Variants in NALCN observed in about 807,000 individuals in gnomAD.
The protein encoded by NALCN is sodium leak channel, non-selective.
A neutral mutation model predicts 225.3 loss-of-function variants in NALCN; 111 were observed. The observed-to-expected ratio is 0.49, with a 90% confidence interval of 0.42 to 0.58. The LOEUF is 0.58. Ranked by LOEUF, NALCN falls within the 20% of genes least tolerant of loss-of-function variation. The pLI, the probability that NALCN is intolerant of heterozygous loss-of-function variation, is 0.00. For missense variants in NALCN, 1,378 were observed against 2,202.4 expected (o/e 0.63, Z 7.49); for synonymous variants, 764 against 769.0 (o/e 0.99, Z 0.11).
chr13:101,067,623 C>G (rs540131101), intron 39 of NALCN, among the ~76,000 whole-genome samples: 256 of 152,292 alleles, frequency 1.7e-3, no homozygotes, highest in African/African-American at 5.7e-3. Context: ...AGTGTCACCT[C>G]TTTTTCTGGC....
intron 13 of NALCN, among the ~76,000 whole-genome samples, chr13:101,197,811 T>C (rs1010766620): frequency 6.6e-6 from 1 of 152,062 alleles, no homozygotes; most frequent in African/African-American, 2.4e-5. Context: ...GCTCTGGAAG[T>C]GAACAAATGA....
At chr13:101,325,285 C>A (rs1000232060) in intron 7 of NALCN, among the ~76,000 whole-genome samples, 1 of 152,132 alleles carries the variant, frequency 6.6e-6, no homozygotes, top group African/African-American at 2.4e-5. Context: ...CTGTAGGAGC[C>A]AAAACACTGA....
intron 2 of NALCN, among the ~76,000 whole-genome samples, chr13:101,397,446 CATATAA>C (rs1318968277): frequency 6.6e-6 from 1 of 150,500 alleles, no homozygotes; most frequent in Non-Finnish European, 1.5e-5. Flanking sequence ...TATGCATGCA[CATATAA>C]ATATATGTAC....
chr13:101,274,024 T>C (rs183291321), intron 10 of NALCN, among the ~76,000 whole-genome samples: 1 of 152,008 alleles, frequency 6.6e-6, no homozygotes, highest in African/African-American at 2.4e-5. Context: ...AAAAGCCTGA[T>C]AACATCAAGT....
At chr13:101,238,591 A>G (rs2041649405) in intron 11 of NALCN, among the ~76,000 whole-genome samples, 1 of 152,004 alleles carries the variant, frequency 6.6e-6, no homozygotes, top group Non-Finnish European at 1.5e-5. Context: ...ACACATAAAG[A>G]CAGCATGTTA....
chr13:101,389,019 G>A (rs1399045094), intron 3 of NALCN, among the ~76,000 whole-genome samples: 1 of 152,202 alleles, frequency 6.6e-6, no homozygotes, highest in Non-Finnish European at 1.5e-5. Context: ...GAATAACAGA[G>A]ATGTTAGCAT....
chr13:101,417,004 A>G (rs1234106595), upstream of NALCN, among the ~76,000 whole-genome samples: 1 of 152,088 alleles, frequency 6.6e-6, no homozygotes, highest in Non-Finnish European at 1.5e-5. Context: ...TCACACTTAT[A>G]GTTTTCTAAA....
intron 15 of NALCN, among the ~76,000 whole-genome samples, chr13:101,151,978 G>A (rs2037672567): frequency 6.6e-6 from 1 of 152,168 alleles, no homozygotes; most frequent in South Asian, 2.1e-4. Flanking sequence ...AGTCAAATTA[G>A]TGCATAGAAG....
intron 1 of NALCN, among the ~76,000 whole-genome samples, chr13:101,399,510 T>C (rs2047406687): frequency 6.6e-6 from 1 of 152,194 alleles, no homozygotes. Flanking sequence ...TGTCTCCACA[T>C]AGAGGTGCTT....
intron 30 of NALCN, among the ~76,000 whole-genome samples, chr13:101,087,062 C>G (rs2033968028): frequency 6.6e-6 from 1 of 151,910 alleles, no homozygotes; most frequent in Admixed American, 6.6e-5. Flanking sequence ...TATATAAAAA[C>G]CTCTGAAAGT....
intron 1 of NALCN, among the ~76,000 whole-genome samples, chr13:101,413,140 A>G (rs1289509749): frequency 6.6e-6 from 1 of 152,208 alleles, no homozygotes; most frequent in Non-Finnish European, 1.5e-5. Context: ...AGATTAAGCA[A>G]TTTATTCAAA....
At chr13:101,144,952 C>A in intron 15 of NALCN, 56 bp from the exon 16 acceptor site, 1 of 1,509,044 alleles carries the variant, frequency 6.6e-7, no homozygotes, top group South Asian at 1.3e-5. Context: ...CTATTATATA[C>A]GTTACACAAA....
intron 7 of NALCN, among the ~76,000 whole-genome samples, chr13:101,334,836 A>T (rs896526090): frequency 2.0e-5 from 3 of 152,166 alleles, no homozygotes; most frequent in Non-Finnish European, 4.4e-5. Flanking sequence ...AGAATGAAAA[A>T]CATGTTATAA....
At chr13:101,318,062 C>T (rs973686985) in intron 7 of NALCN, among the ~76,000 whole-genome samples, 1 of 152,140 alleles carries the variant, frequency 6.6e-6, no homozygotes, top group African/African-American at 2.4e-5. Flanking sequence ...TGCTCTATCC[C>T]TTCATTACCC....
chr13:101,313,127 A>G (rs1040443809), intron 7 of NALCN, among the ~76,000 whole-genome samples: 5 of 152,188 alleles, frequency 3.3e-5, no homozygotes, highest in East Asian at 1.9e-4. Context: ...CTGGCTAGCC[A>G]TATGTAGAAA....
In NALCN at chr13:101,248,548, A is replaced by G. The variant is rs112266249; in HGVS notation, c.1266+9895T>C. On this transcript the variant is annotated intron_variant, in intron 11 of 43. Transcript: ENST00000251127. ...TGTCAGAAACTCCAACCTTGTGTGC[A>G]TGGCCAGTGATTCCAGCGATCATGC... is the stretch of plus-strand genomic sequence containing the variant. 9.5e-4 allele frequency among the ~76,000 whole-genome samples: 145 copies of G among 152,258 alleles called. 1 individual carries two copies. The highest frequency in any genetic ancestry group is 6.8e-3 in the Middle Eastern group (2 of 294).
intron 1 of NALCN, among the ~76,000 whole-genome samples, chr13:101,404,229 G>A (rs1447911292): frequency 6.6e-6 from 1 of 152,136 alleles, no homozygotes; most frequent in Non-Finnish European, 1.5e-5. Context: ...CCCTAGGCAA[G>A]GAATATTGAG....
At chr13:101,391,517 T>G (rs542571724) in intron 3 of NALCN, among the ~76,000 whole-genome samples, 1 of 151,588 alleles carries the variant, frequency 6.6e-6, no homozygotes. Context: ...ACCCTGTCTC[T>G]AAAAAAAGTT....
At chr13:101,307,944 C>G (rs1392450952) in intron 7 of NALCN, among the ~76,000 whole-genome samples, 1 of 152,152 alleles carries the variant, frequency 6.6e-6, no homozygotes, top group African/African-American at 2.4e-5. Flanking sequence ...TAAAATTTAG[C>G]AGTGACTCTG....
Sources: allele counts gnomAD v4.1 joint callset (sites outside exome capture counted in the v4.1 genomes callset), GRCh38; gene constraint gnomAD v4.1.1; transcripts MANE v1.5; gene names NCBI Gene and HGNC (gene_info 2026-07-23, HGNC 2026-07-21).